RSRC1: variants seen among roughly 807,000 people sequenced by gnomAD.
The protein encoded by RSRC1 is arginine and serine rich coiled-coil 1, also known as serine/Arginine-related protein 53.
RSRC1 carries 39 observed loss-of-function variants against 49.1 expected under a neutral mutation model. That is an observed-to-expected ratio of 0.79 (90% CI 0.61 to 1.04). The LOEUF (loss-of-function observed/expected upper bound fraction) is 1.04, where lower values mean the gene tolerates loss of function less well. RSRC1 is among the 50% of genes least tolerant of loss of function. RSRC1 has a pLI of 0.00. For synonymous variants in RSRC1, 143 were observed against 130.8 expected, an observed-to-expected ratio of 1.09 and a Z score of -0.63; for missense variants, 388 against 402.4, an observed-to-expected ratio of 0.96 and a Z score of 0.31.
At chr3:158,242,700 C>T (rs751474861) in intron 4 of RSRC1, among the ~76,000 whole-genome samples, 21 of 152,176 alleles carry the variant, frequency 1.4e-4, no homozygotes, top group African/African-American at 4.6e-4. Flanking sequence ...TACACAACCT[C>T]GCCAGCTTCT....
chr3:158,204,720 T>G (rs1328986530), intron 4 of RSRC1, among the ~76,000 whole-genome samples: 1 of 152,156 alleles, frequency 6.6e-6, no homozygotes, highest in Non-Finnish European at 1.5e-5. Context: ...CTTTTAAAAT[T>G]TTTTCTTCTT....
At chr3:158,127,007 T>A (rs1455291399) in intron 3 of RSRC1, among the ~76,000 whole-genome samples, 2 of 152,176 alleles carry the variant, frequency 1.3e-5, no homozygotes, top group Non-Finnish European at 2.9e-5. Context: ...TTATGAAAGC[T>A]CCCTTGTGTA....
At chr3:158,438,580 A>C (rs1185255995) in intron 6 of RSRC1, among the ~76,000 whole-genome samples, 1 of 152,208 alleles carries the variant, frequency 6.6e-6, no homozygotes, top group Non-Finnish European at 1.5e-5. Context: ...AGGATTCCCT[A>C]TTTAATAAAT....
intron 7 of RSRC1, 36 bp from the exon 8 acceptor site, chr3:158,537,056 C>CA (rs1345663936): frequency 7.1e-7 from 1 of 1,406,112 alleles, no homozygotes. Context: ...AACATGCTTA[C>CA]ACCAAAATAC....
intron 7 of RSRC1, among the ~76,000 whole-genome samples, chr3:158,470,379 T>TAA (rs1560056776): frequency 2.7e-5 from 4 of 147,708 alleles, no homozygotes; most frequent in Non-Finnish European, 4.5e-5. Flanking sequence ...TATATATATA[T>TAA]AAAACCATCT....
chr3:158,513,629 A>T (rs1445821135), intron 7 of RSRC1, among the ~76,000 whole-genome samples: 13 of 151,456 alleles, frequency 8.6e-5, no homozygotes, highest in South Asian at 4.2e-4. Context: ...TGCTGGCCTC[A>T]TAAAATGAGT....
chr3:158,227,726 A>T (rs921392779), intron 4 of RSRC1, among the ~76,000 whole-genome samples: 1 of 152,068 alleles, frequency 6.6e-6, no homozygotes, highest in Non-Finnish European at 1.5e-5. Context: ...AGGGATCAGA[A>T]ACTTTGTTCT....
At chr3:158,189,384 A>G (rs1720099254) in intron 3 of RSRC1, among the ~76,000 whole-genome samples, 1 of 151,976 alleles carries the variant, frequency 6.6e-6, no homozygotes, top group African/African-American at 2.4e-5. Flanking sequence ...ATCCACAATC[A>G]AGATTCTGCC....
At chr3:158,419,834 A>G (rs1481812680) in intron 6 of RSRC1, among the ~76,000 whole-genome samples, 1 of 146,502 alleles carries the variant, frequency 6.8e-6, no homozygotes, top group Non-Finnish European at 1.5e-5. Context: ...AAAAAAAAAA[A>G]AGAGGCTAAT....
intron 6 of RSRC1, among the ~76,000 whole-genome samples, chr3:158,422,549 T>C (rs1350723620): frequency 6.6e-6 from 1 of 151,430 alleles, no homozygotes; most frequent in African/African-American, 2.4e-5. Context: ...TGTGCATGTG[T>C]CTTTATAGCA....
chr3:158,446,054 C>A (rs1032247393), intron 6 of RSRC1, among the ~76,000 whole-genome samples: 3 of 151,948 alleles, frequency 2.0e-5, no homozygotes, highest in African/African-American at 7.3e-5. Context: ...TAATTAATGC[C>A]TACTTGAAAA....
At position 158,123,903 on chromosome 3, in the gene RSRC1, T is replaced by C. The variant is rs769801295; in HGVS notation, c.232T>C (p.Ser78Pro). ...ATCAAGCAGTAGCTCTTCTTATGGCTCCAGAAGGAAACGAAGTCGAAGTCG... is the reference window on the plus strand; with the variant it reads ...ATCAAGCAGTAGCTCTTCTTATGGCCCCAGAAGGAAACGAAGTCGAAGTCG... ...HRSSSSSSYG[S>P]RRKRSRSRSR... The change falls in exon 3 of 10, where the codon TCC (serine) becomes CCC (proline). Residue 78 changes from serine to proline, a missense_variant. Transcript: ENST00000611884. The C allele has an allele frequency of 2.5e-6, 4 of 1,612,448 alleles. No individual in the cohort carries two copies. The highest frequency in any genetic ancestry group is 3.4e-6 in the Non-Finnish European group (4 of 1,178,962).
At chr3:158,507,610 C>T (rs1219961828) in intron 7 of RSRC1, among the ~76,000 whole-genome samples, 1 of 152,082 alleles carries the variant, frequency 6.6e-6, no homozygotes, top group Non-Finnish European at 1.5e-5. Flanking sequence ...GTAGCAGCAT[C>T]TTGAAAGTTG....
At position 158,203,152 on chromosome 3, in the gene RSRC1, G is replaced by A. The variant is rs759096424; in HGVS notation, c.401G>A (p.Arg134Gln). 1.5e-4 allele frequency: 240 copies of A among 1,613,450 alleles called. 1 individual carries two copies. In the East Asian group the frequency reaches 4.9e-3, roughly 33 times the overall value. Residue 134 changes from arginine (R) to glutamine (Q), a missense_variant, in exon 4 of 10, where the codon CGG (arginine) becomes CAG (glutamine). Arg to Gln is a conservative substitution (Grantham distance 43). Transcript: ENST00000611884. The stretch of plus-strand genomic sequence containing the variant: ...CACAGAAGAACGCGTAGTCGGTCTC[G>A]GGATAGAGAACGACGTAAGGGCAGA... ...SSHRRTRSRS[R>Q]DRERRKGRDK...
chr3:158,496,754 C>A, intron 7 of RSRC1: 1 of 289,118 alleles, frequency 3.5e-6, no homozygotes, highest in Non-Finnish European at 7.3e-6. Flanking sequence ...GCCCTTTGTG[C>A]TGAACACCAA....
chr3:158,357,804 G>T (rs1196502905), intron 6 of RSRC1, among the ~76,000 whole-genome samples: 3 of 152,016 alleles, frequency 2.0e-5, no homozygotes, highest in Admixed American at 6.5e-5. Flanking sequence ...CTTGATTTGG[G>T]GGCCTTAAAA....
intron 6 of RSRC1, among the ~76,000 whole-genome samples, chr3:158,375,388 GAT>G: frequency 6.7e-6 from 1 of 149,464 alleles, no homozygotes; most frequent in East Asian, 2.0e-4. Context: ...TTCTTAATGA[GAT>G]ATGGTTTTGC....
At chr3:158,321,962 A>G (rs868350162) in intron 5 of RSRC1, among the ~76,000 whole-genome samples, 1 of 123,510 alleles carries the variant, frequency 8.1e-6, no homozygotes, top group Non-Finnish European at 1.6e-5. Flanking sequence ...AAGAGAAGAA[A>G]CTTTTAACAC....
chr3:158,335,468 A>G (rs527674000), intron 5 of RSRC1, among the ~76,000 whole-genome samples: 3 of 152,244 alleles, frequency 2.0e-5, no homozygotes, highest in Non-Finnish European at 4.4e-5. Flanking sequence ...GATATTATTG[A>G]TAGCATTGAA....
Sources: allele counts gnomAD v4.1 joint callset (sites outside exome capture counted in the v4.1 genomes callset), GRCh38; gene constraint gnomAD v4.1.1; transcripts MANE v1.5; gene names NCBI Gene and HGNC (gene_info 2026-07-23, HGNC 2026-07-21).